IRAK2: variants seen among roughly 807,000 people sequenced by gnomAD.
The protein encoded by IRAK2 is interleukin-1 receptor-associated kinase-like 2.
Under a neutral mutation model 72.0 loss-of-function variants are expected in IRAK2, and 57 were observed. The ratio of observed to expected loss-of-function variants is 0.79; its 90% CI spans 0.64 to 0.99. The LOEUF (loss-of-function observed/expected upper bound fraction) is 0.99. IRAK2 is among the 50% of genes least tolerant of loss of function. The pLI, the probability that IRAK2 is intolerant of heterozygous loss-of-function variation, is 0.00. For synonymous variants in IRAK2, 293 were observed against 312.7 expected (o/e 0.94, Z 0.67); for missense variants, 790 against 794.4 (o/e 0.99, Z 0.07).
chr3:10,191,226 C>A lies in IRAK2; in HGVS notation c.278-9143C>A, dbSNP rs938864002. On this transcript the variant is annotated intron_variant, in intron 2 of 12. Transcript: ENST00000256458. ...AGGAGAATTGCTTGAACCCGGGAGG[C>A]GGAGCTTGCAGTGAGCCGAGATCGC... Among the ~76,000 whole-genome samples the A allele has an allele frequency of 2.0e-5, 3 of 151,152 alleles. No homozygotes were observed. In the East Asian group the frequency reaches 5.8e-4, roughly 29 times the overall value.
intron 2 of IRAK2, 106 bp from the exon 3 acceptor site, chr3:10,200,263 G>A (rs1465816892): frequency 3.1e-6 from 3 of 980,318 alleles, no homozygotes; most frequent in Non-Finnish European, 3.0e-6. Flanking sequence ...ATGCATTTGT[G>A]GCAGAGCCAG....
intron 4 of IRAK2, among the ~76,000 whole-genome samples, chr3:10,212,461 C>A (rs1697535732): frequency 6.6e-6 from 1 of 152,088 alleles, no homozygotes; most frequent in Non-Finnish European, 1.5e-5. Flanking sequence ...GTCTGGAACC[C>A]CAGTATCTAT....
At chr3:10,165,329 G>A (rs1575945681) in intron 1 of IRAK2, among the ~76,000 whole-genome samples, 1 of 152,156 alleles carries the variant, frequency 6.6e-6, no homozygotes, top group Non-Finnish European at 1.5e-5. Flanking sequence ...CAGCGCTGCT[G>A]GCTCGGTGAC....
At chr3:10,196,101 A>G (rs1697260576) in intron 2 of IRAK2, among the ~76,000 whole-genome samples, 1 of 152,160 alleles carries the variant, frequency 6.6e-6, no homozygotes, top group Non-Finnish European at 1.5e-5. Flanking sequence ...CATTCTGTAC[A>G]AGGGACTGGT....
At chr3:10,212,195 A>G (rs959112774) in intron 4 of IRAK2, among the ~76,000 whole-genome samples, 3 of 152,194 alleles carry the variant, frequency 2.0e-5, no homozygotes, top group African/African-American at 4.8e-5. Flanking sequence ...TTCTGTTTAA[A>G]GCAAGCTTGT....
At chr3:10,213,685 A>G (rs1263891560) in intron 6 of IRAK2, 137 bp downstream of exon 6, 4 of 664,514 alleles carry the variant, frequency 6.0e-6, no homozygotes, top group Non-Finnish European at 2.6e-6. Context: ...TGTAGCTACT[A>G]TTATCACATT....
intron 1 of IRAK2, among the ~76,000 whole-genome samples, 165 bp from the exon 2 acceptor site, chr3:10,177,673 G>A (rs1696897468): frequency 6.6e-6 from 1 of 152,172 alleles, no homozygotes; most frequent in Non-Finnish European, 1.5e-5. Context: ...AGTCAGCGTT[G>A]TAACTTGGGC....
chr3:10,223,081 C>T (rs1017244840), intron 9 of IRAK2, among the ~76,000 whole-genome samples: 3 of 152,186 alleles, frequency 2.0e-5, no homozygotes, highest in Non-Finnish European at 4.4e-5. Flanking sequence ...AGAGACTGAA[C>T]ATGCTCCCCA....
intron 1 of IRAK2, among the ~76,000 whole-genome samples, chr3:10,175,890 C>CA (rs59718922): frequency 0.34 from 18,085 of 53,082 alleles, 3,164 homozygotes; most frequent in South Asian, 0.4. Flanking sequence ...GACTCCGTCT[C>CA]AAAAAAAAAA....
rs1697816874 is a variant in IRAK2, at chr3:10,228,738, T to C, written c.1272+2305T>C. Reference sequence around the variant, plus strand: ...CAGGGAGGAAAGCTTGCTGATTTCCTGTGGCCCAGGGTAGGAGGAAGCAGG... The same window carrying C: ...CAGGGAGGAAAGCTTGCTGATTTCCCGTGGCCCAGGGTAGGAGGAAGCAGG... On this transcript the variant is annotated intron_variant, in intron 10 of 12. Coordinates refer to ENST00000256458, the MANE Select transcript of IRAK2 (RefSeq NM_001570.4). Among the ~76,000 whole-genome samples, 2 of 152,196 alleles carry C rather than the reference T, an allele frequency of 1.3e-5. 1 individual carries two copies. The highest frequency in any genetic ancestry group is 1.3e-4 in the Admixed American group (2 of 15,268).
chr3:10,230,047 G>A (rs1012899610), intron 10 of IRAK2, among the ~76,000 whole-genome samples: 1 of 152,094 alleles, frequency 6.6e-6, no homozygotes, highest in East Asian at 1.9e-4. Flanking sequence ...ACAGTGAGTC[G>A]AGATTGTGCC....
rs145346805 is a variant in IRAK2 at position 10,199,073 on chromosome 3, G to A, written c.278-1296G>A. On this transcript the variant is annotated intron_variant, in intron 2 of 12. Transcript: ENST00000256458. ...GAGCCCCATAAAGGCTTCAAGCAGG[G>A]AAGTGACGAGGCCAGATGTATACTT... is the stretch of plus-strand genomic sequence containing the variant. 2.0e-3 allele frequency among the ~76,000 whole-genome samples: 306 copies of A among 152,234 alleles called. 2 individuals are homozygous for A. The highest frequency in any genetic ancestry group is 6.2e-3 in the African/African-American group (257 of 41,546).
At chr3:10,239,392 G>C (rs1415963451) in intron 12 of IRAK2, among the ~76,000 whole-genome samples, 4 of 152,262 alleles carry the variant, frequency 2.6e-5, no homozygotes, top group Admixed American at 2.6e-4. Context: ...CCTTCTCCAG[G>C]AGCCAGCCAG....
At chr3:10,169,355 C>T (rs1696755059) in intron 1 of IRAK2, among the ~76,000 whole-genome samples, 1 of 152,130 alleles carries the variant, frequency 6.6e-6, no homozygotes, top group Non-Finnish European at 1.5e-5. Context: ...AGCCTGAGGG[C>T]ACTGCAGGAG....
chr3:10,203,779 G>A (rs1167417470), intron 3 of IRAK2, among the ~76,000 whole-genome samples: 10 of 152,130 alleles, frequency 6.6e-5, no homozygotes, highest in East Asian at 1.9e-4. Context: ...CTACAGGTGC[G>A]CGCCACCACG....
intron 11 of IRAK2, among the ~76,000 whole-genome samples, chr3:10,237,536 G>A (rs147000693): frequency 4.6e-5 from 7 of 152,126 alleles, no homozygotes; most frequent in East Asian, 1.9e-4. Flanking sequence ...GGCCGGGTGC[G>A]GTGGCTCACG....
At chr3:10,226,331 A>C (rs1461237644) in intron 9 of IRAK2, 40 bp from the exon 10 acceptor site, 1 of 1,553,094 alleles carries the variant, frequency 6.4e-7, no homozygotes, top group Admixed American at 1.7e-5. Context: ...TGTGTGCACG[A>C]GCGTCTGAAC....
chr3:10,225,305 G>C (rs141513595), intron 9 of IRAK2, among the ~76,000 whole-genome samples: 1 of 152,172 alleles, frequency 6.6e-6, no homozygotes, highest in Non-Finnish European at 1.5e-5. Context: ...CCATTTAACA[G>C]ATGAGGACAC....
At chr3:10,189,560 C>A (rs1371082159) in intron 2 of IRAK2, among the ~76,000 whole-genome samples, 1 of 152,228 alleles carries the variant, frequency 6.6e-6, no homozygotes, top group African/African-American at 2.4e-5. Flanking sequence ...GTTTTCTCTT[C>A]CCATCTGTTG....
Sources: allele counts gnomAD v4.1 joint callset (sites outside exome capture counted in the v4.1 genomes callset), GRCh38; gene constraint gnomAD v4.1.1; transcripts MANE v1.5; gene names NCBI Gene and HGNC (gene_info 2026-07-23, HGNC 2026-07-21).